Variants in NOL4 observed in about 807,000 individuals in gnomAD.
The protein encoded by NOL4 is cancer/testis antigen 125.
In NOL4, 17 loss-of-function variants were observed where a neutral mutation model predicts 75.9. The ratio of observed to expected loss-of-function variants is 0.22; its 90% confidence interval spans 0.15 to 0.34. NOL4 has a LOEUF of 0.34. Ranked by LOEUF, NOL4 falls within the 10% of genes least tolerant of loss-of-function variation. The probability of loss-of-function intolerance (pLI) is 1.00; values close to 1 mark genes in which losing one functional copy is unlikely to be tolerated. For synonymous variants in NOL4, 292 were observed against 289.9 expected (o/e 1.01, Z -0.07); for missense variants, 614 against 793.5 (o/e 0.77, Z 2.72).
At chr18:34,190,964 C>T (rs1257148770) in intron 1 of NOL4, among the ~76,000 whole-genome samples, 1 of 151,872 alleles carries the variant, frequency 6.6e-6, no homozygotes, top group African/African-American at 2.4e-5. Context: ...TCTCATCAGG[C>T]AAAGAATTAT....
At chr18:34,041,539 C>G (rs1363302562) in intron 5 of NOL4, among the ~76,000 whole-genome samples, 1 of 151,634 alleles carries the variant, frequency 6.6e-6, no homozygotes, top group Non-Finnish European at 1.5e-5. Context: ...TCGTTATCAC[C>G]CTTAAATTTC....
At chr18:34,219,495 G>A (rs2037147579) in intron 1 of NOL4, among the ~76,000 whole-genome samples, 1 of 152,178 alleles carries the variant, frequency 6.6e-6, no homozygotes, top group Non-Finnish European at 1.5e-5. Flanking sequence ...CAAGTGTGAT[G>A]TTTCCACTAA....
intron 1 of NOL4, among the ~76,000 whole-genome samples, chr18:34,148,669 G>T (rs1220677902): frequency 6.6e-6 from 1 of 151,902 alleles, no homozygotes; most frequent in African/African-American, 2.4e-5. Context: ...GAGACGTGGT[G>T]CTTAGAAGAA....
At chr18:34,123,429 A>G (rs1490147891) in intron 2 of NOL4, among the ~76,000 whole-genome samples, 1 of 150,510 alleles carries the variant, frequency 6.6e-6, no homozygotes, top group Admixed American at 6.6e-5. Flanking sequence ...GTTTGTGTGG[A>G]TATGGGGTGT....
At chr18:34,055,345 T>A (rs2145040539) in intron 5 of NOL4, among the ~76,000 whole-genome samples, 1 of 152,272 alleles carries the variant, frequency 6.6e-6, no homozygotes, top group South Asian at 2.1e-4. Flanking sequence ...AATCTTAAAT[T>A]CCTCTCCATT....
intron 6 of NOL4, among the ~76,000 whole-genome samples, chr18:33,962,583 A>G (rs1422909166): frequency 1.3e-5 from 2 of 152,216 alleles, no homozygotes; most frequent in African/African-American, 2.4e-5. Context: ...TAATAAAACT[A>G]GAACAGATCT....
chr18:33,965,157 T>A (rs1437043654), intron 6 of NOL4, among the ~76,000 whole-genome samples: 2 of 152,132 alleles, frequency 1.3e-5, no homozygotes, highest in African/African-American at 2.4e-5. Context: ...GATATGGAGA[T>A]GATACGACAA....
At position 34,098,059 on chromosome 18, in the gene NOL4, T is replaced by C. The variant is rs79325406; in HGVS notation, c.640-4462A>G. On this transcript the variant is annotated intron_variant, in intron 4 of 10. Transcript: ENST00000261592. ...TAATAAAGGAGGTTGGGGTTTTTTT[T>C]ATGGATATTGACCATGTAGTGGATA... is the stretch of plus-strand genomic sequence containing the variant. Among the ~76,000 whole-genome samples the C allele has an allele frequency of 2.3e-3, 350 of 152,306 alleles. 1 individual carries two copies. The highest frequency in any genetic ancestry group is 8.0e-3 in the African/African-American group (333 of 41,578).
intron 9 of NOL4, among the ~76,000 whole-genome samples, chr18:33,914,446 G>A (rs1343088818): frequency 6.6e-6 from 1 of 151,886 alleles, no homozygotes; most frequent in East Asian, 1.9e-4. Context: ...TTAATAAGAT[G>A]GAAAGCCACT....
At chr18:34,067,648 A>T (rs1359591255) in intron 5 of NOL4, among the ~76,000 whole-genome samples, 1 of 152,220 alleles carries the variant, frequency 6.6e-6, no homozygotes, top group Non-Finnish European at 1.5e-5. Flanking sequence ...ACAGAATGAT[A>T]TGTATTCAAG....
intron 1 of NOL4, among the ~76,000 whole-genome samples, chr18:34,137,779 TACACACACACAC>T (rs1156472289): frequency 1.4e-3 from 213 of 147,154 alleles, no homozygotes; most frequent in Non-Finnish European, 2.5e-3. Flanking sequence ...ATATACGAAA[TACACACACACAC>T]ACACACACAC....
intron 6 of NOL4, among the ~76,000 whole-genome samples, chr18:33,983,461 A>G (rs2072149978): frequency 6.7e-6 from 1 of 150,166 alleles, no homozygotes; most frequent in South Asian, 2.1e-4. Flanking sequence ...AGGTATACAT[A>G]GGTGGTATAA....
At chr18:34,016,208 T>C (rs1479442854) in intron 6 of NOL4, among the ~76,000 whole-genome samples, 2 of 152,130 alleles carry the variant, frequency 1.3e-5, no homozygotes, top group Non-Finnish European at 2.9e-5. Flanking sequence ...TTTTGTACTA[T>C]ATCTCTGCTT....
chr18:34,102,431 T>C (rs1018105202), intron 4 of NOL4, among the ~76,000 whole-genome samples: 5 of 152,062 alleles, frequency 3.3e-5, no homozygotes, highest in Non-Finnish European at 7.4e-5. Flanking sequence ...CTCTTTTTCA[T>C]CTTTCAATAA....
At position 34,019,410 on chromosome 18, in the gene NOL4, C is replaced by G. The variant is rs779758838; in HGVS notation, c.964G>C (p.Asp322His). The G allele has an allele frequency of 6.2e-7, 1 of 1,613,952 alleles. No homozygotes were observed. The highest frequency in any genetic ancestry group is 2.2e-5 in the East Asian group (1 of 44,840). ...SAQLTSEYRI[D>H]DHNSNGKNKY... is the part of the protein sequence containing the mutation. ...TTTTTCCCATTACTGTTGTGATCATCTATTCTGTATTCCGAAGTTAGCTGC... is the reference window on the plus strand; with the variant it reads ...TTTTTCCCATTACTGTTGTGATCATGTATTCTGTATTCCGAAGTTAGCTGC... Residue 322 changes from aspartate to histidine, a missense_variant, in exon 6 of 11, where the codon GAT becomes CAT. Around this residue, in one of 9 missense-constraint regions of NOL4, gnomAD observed 196 missense variants for 167.9 expected, o/e 1.17. Transcript: ENST00000261592.
chr18:34,201,395 T>C (rs1198608154), intron 1 of NOL4, among the ~76,000 whole-genome samples: 4 of 151,796 alleles, frequency 2.6e-5, no homozygotes. Context: ...GAAATAAAAC[T>C]AAGGCAGTTG....
intron 5 of NOL4, among the ~76,000 whole-genome samples, chr18:34,022,096 C>A (rs2075077968): frequency 6.8e-6 from 1 of 148,030 alleles, no homozygotes; most frequent in Non-Finnish European, 1.5e-5. Flanking sequence ...AAGAGCGAAA[C>A]TGCATCTCAA....
intron 9 of NOL4, among the ~76,000 whole-genome samples, chr18:33,919,085 T>G (rs1195420505): frequency 6.6e-6 from 1 of 152,124 alleles, no homozygotes; most frequent in Non-Finnish European, 1.5e-5. Context: ...TTTTAGGACT[T>G]GTTGAAGTAA....
intron 5 of NOL4, among the ~76,000 whole-genome samples, chr18:34,020,932 G>T (rs923452960): frequency 2.6e-5 from 4 of 152,108 alleles, no homozygotes; most frequent in Non-Finnish European, 5.9e-5. Context: ...CTGAGCAAAA[G>T]AAATATTATT....
Sources: allele counts gnomAD v4.1 joint callset (sites outside exome capture counted in the v4.1 genomes callset), GRCh38; gene constraint gnomAD v4.1.1; regional missense constraint gnomAD v4.1.1; transcripts MANE v1.5; gene names NCBI Gene and HGNC (gene_info 2026-07-23, HGNC 2026-07-21).